Variants in EYS observed in about 807,000 individuals in gnomAD.
EYS encodes protein eyes shut homolog.
In EYS, 250 loss-of-function variants were observed where a neutral mutation model predicts 282.1. That is an observed-to-expected ratio of 0.89 (90% CI 0.80 to 0.98). The LOEUF is 0.98. Among genes scored for constraint, EYS ranks in the 50% least tolerant of loss-of-function variants. The pLI is 0.00. For synonymous variants in EYS, 1,355 were observed against 1,282.9 expected (o/e 1.06, Z -1.20); for missense variants, 4,016 against 3,709.0 (o/e 1.08, Z -2.15).
At chr6:65,140,459 A>T (rs1764300425) in intron 12 of EYS, among the ~76,000 whole-genome samples, 1 of 152,030 alleles carries the variant, frequency 6.6e-6, no homozygotes, top group South Asian at 2.1e-4. Context: ...TTGAGGGGGA[A>T]GTTTAAAAAG....
chr6:64,531,567 T>C (rs1384380166), intron 26 of EYS, among the ~76,000 whole-genome samples: 1 of 146,210 alleles, frequency 6.8e-6, no homozygotes, highest in Non-Finnish European at 1.5e-5. Context: ...TATTTTATTT[T>C]ATTTTATTTT....
intron 5 of EYS, among the ~76,000 whole-genome samples, chr6:65,412,118 G>A (rs1030380425): frequency 6.6e-6 from 1 of 152,082 alleles, no homozygotes; most frequent in Admixed American, 6.6e-5. Flanking sequence ...TCTTTACCAT[G>A]TGAGGATACA....
At chr6:63,972,806 T>C (rs1272110980) in intron 35 of EYS, among the ~76,000 whole-genome samples, 5 of 152,166 alleles carry the variant, frequency 3.3e-5, no homozygotes, top group African/African-American at 1.2e-4. Flanking sequence ...TTTTCTGTTC[T>C]GTGTTAGTTT....
At chr6:65,533,990 T>C (rs1767878320) in intron 2 of EYS, among the ~76,000 whole-genome samples, 1 of 152,132 alleles carries the variant, frequency 6.6e-6, no homozygotes, top group South Asian at 2.1e-4. Context: ...TTTTTGTCTT[T>C]TAGTCATCCT....
At chr6:64,726,908 A>G (rs1771775963) in intron 22 of EYS, among the ~76,000 whole-genome samples, 1 of 152,184 alleles carries the variant, frequency 6.6e-6, no homozygotes, top group Non-Finnish European at 1.5e-5. Flanking sequence ...AATGAATAAC[A>G]TGCACTTAAG....
At chr6:64,128,316 A>G (rs1456603654) in intron 31 of EYS, among the ~76,000 whole-genome samples, 3 of 152,032 alleles carry the variant, frequency 2.0e-5, no homozygotes, top group African/African-American at 7.3e-5. Flanking sequence ...GTGAATATTT[A>G]GCCCTAAAGC....
At chr6:64,081,081 T>C (rs1047081347) in intron 32 of EYS, among the ~76,000 whole-genome samples, 31 of 152,158 alleles carry the variant, frequency 2.0e-4, no homozygotes, top group Non-Finnish European at 4.3e-4. Context: ...TAGTTTTTTC[T>C]AATTCTGTGA....
intron 26 of EYS, among the ~76,000 whole-genome samples, chr6:64,485,740 T>A (rs2150502480): frequency 6.6e-6 from 1 of 151,626 alleles, no homozygotes; most frequent in South Asian, 2.1e-4. Flanking sequence ...GAGGATGCTA[T>A]TAGTAAATTC....
intron 13 of EYS, among the ~76,000 whole-genome samples, chr6:65,049,896 T>G (rs1483345461): frequency 6.6e-6 from 1 of 151,724 alleles, no homozygotes; most frequent in Non-Finnish European, 1.5e-5. Flanking sequence ...ATTAACTTGT[T>G]GATAAAACCA....
chr6:64,587,291 A>C (rs902966095), intron 26 of EYS, among the ~76,000 whole-genome samples: 10 of 152,168 alleles, frequency 6.6e-5, no homozygotes, highest in African/African-American at 2.2e-4. Flanking sequence ...TTATGGAAAT[A>C]CCACATATGG....
chr6:64,880,090 T>C (rs1461086257), intron 19 of EYS, among the ~76,000 whole-genome samples: 1 of 151,998 alleles, frequency 6.6e-6, no homozygotes, highest in Non-Finnish European at 1.5e-5. Flanking sequence ...ATTAGTTACC[T>C]GATTCTGTAA....
intron 1 of EYS, among the ~76,000 whole-genome samples, chr6:65,655,145 T>C (rs1366530793): frequency 2.6e-5 from 4 of 151,708 alleles, no homozygotes; most frequent in Non-Finnish European, 5.9e-5. Context: ...AAATTGGATT[T>C]AGAGATAAGT....
At chr6:64,433,505 A>G (rs1278359342) in intron 28 of EYS, among the ~76,000 whole-genome samples, 1 of 152,038 alleles carries the variant, frequency 6.6e-6, no homozygotes, top group African/African-American at 2.4e-5. Context: ...ATATATTTCT[A>G]TAAATTTTTT....
intron 11 of EYS, among the ~76,000 whole-genome samples, chr6:65,326,477 T>C (rs1043890942): frequency 4.0e-5 from 6 of 151,518 alleles, no homozygotes; most frequent in Non-Finnish European, 8.9e-5. Flanking sequence ...CTCAGTAGAA[T>C]GTTTGATTTA....
rs572929102 is a variant in EYS at position 65,246,538 on chromosome 6, G to A, written c.2023+49325C>T. Among the ~76,000 whole-genome samples the A allele has an allele frequency of 3.9e-5, 6 of 152,156 alleles. No individual in the cohort carries two copies. The East Asian group carries it at 9.7e-4, about 24-fold the overall frequency. On this transcript the variant is annotated intron_variant, in intron 12 of 42. Coordinates refer to ENST00000503581, the MANE Select transcript of EYS (RefSeq NM_001142800.2). Reference sequence around the variant, plus strand: ...ACAAGTATATCCACAAGGATTCAATGTGCCTAACAGAAGCTTGGTGGTCAC... The same window carrying A: ...ACAAGTATATCCACAAGGATTCAATATGCCTAACAGAAGCTTGGTGGTCAC...
At position 63,720,693 on chromosome 6, in the gene EYS, T is replaced by C. The variant is rs1768342137; in HGVS notation, c.9338A>G (p.Lys3113Arg). ...TGGTTCCTGAAAAAATACAACATCT[T>C]TAATTTTGCCAACAAAATTGGTTTT... ...IFKTNFVGKIKDVVFFQEPKN... is the reference protein window; with the variant it reads ...IFKTNFVGKIRDVVFFQEPKN... Residue 3113 changes from lysine to arginine, a missense_variant, in exon 43 of 43, where the codon AAA becomes AGA. By Grantham distance (26) the Lys-to-Arg change is conservative (BLOSUM62 2). Coordinates refer to ENST00000503581, the MANE Select transcript of EYS (RefSeq NM_001142800.2). 6.5e-7 allele frequency: 1 copy of C among 1,548,618 alleles called. No homozygotes were observed. The highest frequency in any genetic ancestry group is 8.7e-7 in the Non-Finnish European group (1 of 1,145,768).
intron 26 of EYS, among the ~76,000 whole-genome samples, chr6:64,547,699 C>T (rs1355716985): frequency 6.6e-6 from 1 of 152,230 alleles, no homozygotes; most frequent in Non-Finnish European, 1.5e-5. Context: ...GGTGGAGTTG[C>T]CTACCAGTCC....
At chr6:65,118,888 AAAAG>A in intron 12 of EYS, among the ~76,000 whole-genome samples, 1 of 152,058 alleles carries the variant, frequency 6.6e-6, no homozygotes, top group African/African-American at 2.4e-5. Context: ...GAAAAAAAAA[AAAAG>A]AAATAGCTGA....
intron 30 of EYS, among the ~76,000 whole-genome samples, chr6:64,232,343 C>T (rs67199268): frequency 2.5e-4 from 18 of 71,020 alleles, no homozygotes; most frequent in South Asian, 1.7e-3. Context: ...AATTTTGAAT[C>T]TTTTTTTTTG....
Sources: gnomAD v4.1 joint callset for allele counts (sites outside exome capture counted in the v4.1 genomes callset) on GRCh38, gnomAD v4.1.1 for gene constraint, MANE v1.5 for transcripts, NCBI Gene and HGNC (gene_info 2026-07-23, HGNC 2026-07-21) for gene names.